The following MACROD2 variants were observed in gnomAD, a reference collection of about 807,000 sequenced individuals.
MACROD2 encodes the protein mono-ADP ribosylhydrolase 2.
A neutral mutation model predicts 70.4 loss-of-function variants in MACROD2; 36 were observed. The ratio of observed to expected loss-of-function variants is 0.51; its 90% CI spans 0.39 to 0.68. The LOEUF (loss-of-function observed/expected upper bound fraction) is 0.68. MACROD2 is among the 30% of genes least tolerant of loss of function. MACROD2 has a pLI of 0.00. For missense variants in MACROD2, 496 were observed against 538.4 expected, an observed-to-expected ratio of 0.92 and a Z score of 0.78; for synonymous variants, 172 against 178.8, an observed-to-expected ratio of 0.96 and a Z score of 0.30.
rs939834145 is a variant in MACROD2 at position 15,115,403 on chromosome 20, T to C, written c.419-114537T>C. On this transcript the variant is annotated intron_variant, in intron 5 of 17. Coordinates refer to ENST00000684519, the MANE Select transcript of MACROD2 (RefSeq NM_001351661.2). ...CACCACCATGCCCAGCTAATTTTTT[T>C]TGTAGAGATGGGGTCTTCCTATGTT... Among the ~76,000 whole-genome samples, 3 of 152,060 alleles carry C rather than the reference T, an allele frequency of 2.0e-5. 1 individual carries two copies. The highest frequency in any genetic ancestry group is 4.4e-5 in the Non-Finnish European group (3 of 68,002).
chr20:15,668,747 G>A (rs2049936784), intron 8 of MACROD2, among the ~76,000 whole-genome samples: 1 of 152,172 alleles, frequency 6.6e-6, no homozygotes, highest in African/African-American at 2.4e-5. Flanking sequence ...TGATCTGTGA[G>A]TTGACACTGG....
intron 3 of MACROD2, among the ~76,000 whole-genome samples, chr20:14,413,281 G>C (rs1004194616): frequency 2.0e-5 from 3 of 148,448 alleles, no homozygotes; most frequent in African/African-American, 7.4e-5. Flanking sequence ...TTAATATATA[G>C]TATATATGTT....
chr20:15,510,531 A>C (rs911667096), intron 8 of MACROD2, among the ~76,000 whole-genome samples: 2 of 152,220 alleles, frequency 1.3e-5, no homozygotes, highest in Non-Finnish European at 1.5e-5. Flanking sequence ...TGATGTTTTC[A>C]GCCAGGCTGC....
At chr20:14,454,677 A>G (rs986399067) in intron 3 of MACROD2, among the ~76,000 whole-genome samples, 1 of 151,666 alleles carries the variant, frequency 6.6e-6, no homozygotes, top group African/African-American at 2.4e-5. Context: ...TAAGAAAGCT[A>G]AGGCCCAGAG....
rs1317926495 is a variant in MACROD2, at chr20:14,029,572, G to A, written c.163+27168G>A. The stretch of plus-strand genomic sequence containing the variant: ...CATCGTGTCAAAGTTGTGGGAATCT[G>A]ATTTTAGAACAATATAAGAAAAAAT... On this transcript the variant is annotated intron_variant, in intron 2 of 17. Coordinates refer to ENST00000684519, the MANE Select transcript of MACROD2 (RefSeq NM_001351661.2). Among the ~76,000 whole-genome samples the A allele has an allele frequency of 2.0e-5, 3 of 152,118 alleles. No individual in the cohort carries two copies. In the East Asian group the frequency reaches 5.8e-4, roughly 29 times the overall value.
chr20:14,747,496 C>T (rs930931139), intron 5 of MACROD2, among the ~76,000 whole-genome samples: 1 of 152,120 alleles, frequency 6.6e-6, no homozygotes, highest in South Asian at 2.1e-4. Context: ...AAGGCTTCTG[C>T]CACCCTCTCT....
chr20:15,823,178 A>G (rs994167466), intron 8 of MACROD2, among the ~76,000 whole-genome samples: 3 of 152,158 alleles, frequency 2.0e-5, no homozygotes, highest in Admixed American at 2.0e-4. Flanking sequence ...GTGAACTATA[A>G]AATAGCTTTA....
intron 3 of MACROD2, among the ~76,000 whole-genome samples, chr20:14,196,920 C>T (rs2081437414): frequency 6.6e-6 from 1 of 152,202 alleles, no homozygotes; most frequent in South Asian, 2.1e-4. Context: ...CAGTTTGGGC[C>T]CTGCCCAATT....
chr20:15,604,019 A>G lies in MACROD2; in HGVS notation c.645+104172A>G, dbSNP rs149720470. Reference sequence around the variant, plus strand: ...CTGATTCCTAATTCCAGTAGAGTCCAGAATTAGGCAACTGCTTTTTATGAT... The same window carrying G: ...CTGATTCCTAATTCCAGTAGAGTCCGGAATTAGGCAACTGCTTTTTATGAT... On this transcript the variant is annotated intron_variant, in intron 8 of 17. Coordinates refer to ENST00000684519, the MANE Select transcript of MACROD2 (RefSeq NM_001351661.2). 2.6e-3 allele frequency among the ~76,000 whole-genome samples: 391 copies of G among 152,344 alleles called. 3 individuals are homozygous for G. Among genetic ancestry groups the G allele is most frequent in the Admixed American group, 6.3e-3 (97 of 15,304 alleles).
chr20:14,001,307 C>A (rs919811163), intron 1 of MACROD2, among the ~76,000 whole-genome samples: 2 of 152,008 alleles, frequency 1.3e-5, no homozygotes, highest in African/African-American at 4.8e-5. Context: ...AAGTACCTGG[C>A]CATAGTGAGT....
At chr20:15,267,773 G>A (rs752008796) in intron 6 of MACROD2, among the ~76,000 whole-genome samples, 5 of 152,132 alleles carry the variant, frequency 3.3e-5, no homozygotes, top group African/African-American at 9.7e-5. Flanking sequence ...AGGATGGGAC[G>A]GGGCCTTGGG....
rs531590321 is a variant in MACROD2, at chr20:15,317,119, A to G, written c.540+87058A>G. 5.9e-5 allele frequency among the ~76,000 whole-genome samples: 9 copies of G among 152,202 alleles called. No individual in the cohort carries two copies. The South Asian group carries it at 1.4e-3, about 24-fold the overall frequency. On this transcript the variant is annotated intron_variant, in intron 6 of 17. Transcript: ENST00000684519. ...CATTAAAAATAAAGATCTCAAATCA[A>G]TAATCCAATTTTGCACTTTAAGAAA...
intron 6 of MACROD2, among the ~76,000 whole-genome samples, chr20:15,241,354 G>A (rs928183027): frequency 2.0e-5 from 3 of 151,980 alleles, no homozygotes; most frequent in Admixed American, 2.0e-4. Flanking sequence ...TTAATAGATG[G>A]TTTCACATCA....
rs565983463 is a variant in MACROD2, at chr20:15,407,703, A to T, written c.541-23702A>T. 2.6e-4 allele frequency among the ~76,000 whole-genome samples: 40 copies of T among 152,314 alleles called. No individual in the cohort carries two copies. The South Asian group carries it at 3.5e-3, about 13-fold the overall frequency. The stretch of plus-strand genomic sequence containing the variant: ...TCCACAAAATGGGGTCAGTGATAAT[A>T]AGAGTACCTATTTGATGGGCTTGTT... On this transcript the variant is annotated intron_variant, in intron 6 of 17. Coordinates refer to ENST00000684519, the MANE Select transcript of MACROD2 (RefSeq NM_001351661.2).
chr20:15,271,847 G>A (rs913335549), intron 6 of MACROD2, among the ~76,000 whole-genome samples: 1 of 152,180 alleles, frequency 6.6e-6, no homozygotes, highest in African/African-American at 2.4e-5. Context: ...CTACCTACAC[G>A]TGGTTAATAA....
chr20:15,280,556 G>A (rs562829983), intron 6 of MACROD2, among the ~76,000 whole-genome samples: 2 of 152,288 alleles, frequency 1.3e-5, no homozygotes, highest in South Asian at 4.1e-4. Flanking sequence ...ACATTGGTGT[G>A]TCTTTCTGAA....
chr20:15,308,745 A>G (rs1473248595), intron 6 of MACROD2, among the ~76,000 whole-genome samples: 1 of 152,166 alleles, frequency 6.6e-6, no homozygotes, highest in African/African-American at 2.4e-5. Flanking sequence ...CTTGGCTACA[A>G]AGTTAACCCT....
At chr20:16,025,613 GA>G (rs1479283434) in intron 15 of MACROD2, among the ~76,000 whole-genome samples, 3 of 152,134 alleles carry the variant, frequency 2.0e-5, no homozygotes, top group Admixed American at 2.0e-4. Flanking sequence ...GCCGCCTGGG[GA>G]TGGCGGGTTG....
chr20:14,082,984 A>C (rs2054018988), intron 2 of MACROD2, among the ~76,000 whole-genome samples: 1 of 152,132 alleles, frequency 6.6e-6, no homozygotes. Flanking sequence ...GCACAAACAA[A>C]ATATAGTCTC....
Sources: gnomAD v4.1 joint callset for allele counts (sites outside exome capture counted in the v4.1 genomes callset) on GRCh38, gnomAD v4.1.1 for gene constraint, MANE v1.5 for transcripts, NCBI Gene and HGNC (gene_info 2026-07-23, HGNC 2026-07-21) for gene names.